The following POLDIP3 variants were observed in gnomAD, a reference collection of about 807,000 sequenced individuals.
POLDIP3 encodes DNA polymerase delta interacting protein 3.
Under a neutral mutation model 45.1 loss-of-function variants are expected in POLDIP3, and 14 were observed. That is an observed-to-expected ratio of 0.31 (90% CI 0.20 to 0.49). The LOEUF is 0.49. POLDIP3 is among the 20% of genes least tolerant of loss of function. The probability of loss-of-function intolerance (pLI) is 0.99; values close to 1 mark genes in which losing one functional copy is unlikely to be tolerated. For missense variants in POLDIP3, 511 were observed against 538.8 expected (o/e 0.95, Z 0.51); for synonymous variants, 223 against 205.2 (o/e 1.09, Z -0.74).
At position 42,585,651 on chromosome 22, in the gene POLDIP3, A is replaced by T; in HGVS notation, c.*140T>A. ...CAACACAGAAAGGCGGGTCCCATCCAGTGAGGAAGCTCTTTATCCCTGGCA... is the reference window on the plus strand; with the variant it reads ...CAACACAGAAAGGCGGGTCCCATCCTGTGAGGAAGCTCTTTATCCCTGGCA... On this transcript the variant is annotated 3_prime_UTR_variant, in exon 9 of 9. Transcript: ENST00000252115. 1.0e-6 allele frequency: 1 copy of T among 963,122 alleles called. No individual in the cohort carries two copies. Among genetic ancestry groups the T allele is most frequent in the Non-Finnish European group, 1.6e-6 (1 of 633,030 alleles). The allele number at this position is 963,122 out of a possible 1,614,324, so 59.7% of individuals were successfully genotyped here.
intron 1 of POLDIP3, 148 bp downstream of exon 1, chr22:42,614,651 A>T: frequency 1.2e-6 from 1 of 839,670 alleles, no homozygotes; most frequent in East Asian, 3.3e-5. Context: ...CACGGCGGGG[A>T]CGGCGGCAGC....
chr22:42,599,571 T>C, intron 4 of POLDIP3, 127 bp downstream of exon 4: 1 of 731,904 alleles, frequency 1.4e-6, no homozygotes, highest in East Asian at 2.8e-5. Flanking sequence ...GCCATTGCAC[T>C]CCAGCAGCCT....
intron 6 of POLDIP3, among the ~76,000 whole-genome samples, chr22:42,594,262 T>TA (rs1452863889): frequency 6.6e-6 from 1 of 151,062 alleles, no homozygotes; most frequent in Non-Finnish European, 1.5e-5. Flanking sequence ...ACTCCATCTT[T>TA]AAAAAAAACA....
intron 5 of POLDIP3, 30 bp downstream of exon 5, chr22:42,596,156 C>G (rs775422947): frequency 6.2e-7 from 1 of 1,610,470 alleles, no homozygotes; most frequent in Admixed American, 1.7e-5. Flanking sequence ...CTCCTGACCC[C>G]AACTGCTGCA....
Position 42,601,533 on chromosome 22 carries a change from C to T in POLDIP3, c.537+437G>A, listed in dbSNP as rs111678332. ...ATCCCAGCACTTTGGGAGGCTGAGG[C>T]GGGGGGATCACAAGGTCAAGAAATT... is the stretch of plus-strand genomic sequence containing the variant. On this transcript the variant is annotated intron_variant, in intron 3 of 8. Transcript: ENST00000252115. Among the ~76,000 whole-genome samples the T allele has an allele frequency of 9.2e-3, 1,392 of 152,104 alleles. 10 individuals are homozygous for T. The highest frequency in any genetic ancestry group is 0.015 in the Non-Finnish European group (1,030 of 68,002).
At chr22:42,604,821 G>A (rs948722883) in intron 1 of POLDIP3, among the ~76,000 whole-genome samples, 14 of 152,194 alleles carry the variant, frequency 9.2e-5, no homozygotes, top group African/African-American at 3.4e-4. Flanking sequence ...CGGTAATACA[G>A]ACTGAACATC....
At chr22:42,609,030 G>A (rs544474963) in intron 1 of POLDIP3, among the ~76,000 whole-genome samples, 8 of 152,252 alleles carry the variant, frequency 5.3e-5, no homozygotes, top group South Asian at 2.1e-4. Context: ...ATTAGTCATC[G>A]GAAATTTTTC....
chr22:42,600,807 TA>T (rs1291220704), intron 3 of POLDIP3, among the ~76,000 whole-genome samples: 3 of 151,758 alleles, frequency 2.0e-5, no homozygotes, highest in Non-Finnish European at 4.4e-5. Flanking sequence ...CCGTCTCTAC[TA>T]AAAATACAAA....
At chr22:42,595,099 A>G (rs886695798) in intron 6 of POLDIP3, among the ~76,000 whole-genome samples, 1 of 152,218 alleles carries the variant, frequency 6.6e-6, no homozygotes, top group African/African-American at 2.4e-5. Context: ...GCCACCCCAC[A>G]GTTCACTGTG....
chr22:42,584,838 A>T lies in POLDIP3; in HGVS notation c.*953T>A, dbSNP rs1925192012. On this transcript the variant is annotated 3_prime_UTR_variant, in exon 9 of 9. Coordinates refer to ENST00000252115, the MANE Select transcript of POLDIP3 (RefSeq NM_032311.5). The stretch of plus-strand genomic sequence containing the variant: ...CATCCCTGACCACTGTCCTGTAGAC[A>T]ACTGAGGCCAGAAATGGAGAGCCAG... The T allele has an allele frequency of 6.6e-6, 3 of 454,544 alleles. No individual in the cohort carries two copies. Among genetic ancestry groups the T allele is most frequent in the Non-Finnish European group, 8.8e-6 (2 of 226,220 alleles). 28.2% of individuals were successfully genotyped at this position (454,544 alleles called of 1,614,324 possible). A position where few individuals can be genotyped will look rare whatever the true frequency, so the allele number is the denominator to read the frequency against.
chr22:42,583,867 A>G lies in POLDIP3; in HGVS notation c.*1924T>C, dbSNP rs1925122161. The G allele has an allele frequency of 6.6e-6, 1 of 152,566 alleles. No individual in the cohort carries two copies. The highest frequency in any genetic ancestry group is 1.5e-5 in the Non-Finnish European group (1 of 68,122). 9.5% of individuals were successfully genotyped at this position (152,566 alleles called of 1,614,324 possible). On this transcript the variant is annotated 3_prime_UTR_variant, in exon 9 of 9. Coordinates refer to ENST00000252115, the MANE Select transcript of POLDIP3 (RefSeq NM_032311.5). ...GTGGAGGAGGACACAGGACTAGCCC[A>G]CCACCTTCTCCTCCCGGTCTCCCAA... is the stretch of plus-strand genomic sequence containing the variant.
At chr22:42,606,241 G>A (rs1926718908) in intron 1 of POLDIP3, among the ~76,000 whole-genome samples, 1 of 151,432 alleles carries the variant, frequency 6.6e-6, no homozygotes, top group Non-Finnish European at 1.5e-5. Flanking sequence ...AAGAAACAAG[G>A]CTGGGCACAG....
chr22:42,598,666 G>A lies in POLDIP3; in HGVS notation c.633+1032C>T, dbSNP rs149211910. Among the ~76,000 whole-genome samples the A allele has an allele frequency of 2.9e-3, 436 of 152,300 alleles. 2 individuals carry two copies. Among genetic ancestry groups the A allele is most frequent in the African/African-American group, 9.6e-3 (401 of 41,568 alleles). Reference sequence around the variant, plus strand: ...CCCAAAGTGTTGAGATTACAGGCGTGAGCCACCGCACCTGGCCCATATTTC... The same window carrying A: ...CCCAAAGTGTTGAGATTACAGGCGTAAGCCACCGCACCTGGCCCATATTTC... On this transcript the variant is annotated intron_variant, in intron 4 of 8. Coordinates refer to ENST00000252115, the MANE Select transcript of POLDIP3 (RefSeq NM_032311.5).
chr22:42,592,599 C>T (rs921213742), intron 6 of POLDIP3, among the ~76,000 whole-genome samples: 3 of 152,196 alleles, frequency 2.0e-5, no homozygotes, highest in Non-Finnish European at 4.4e-5. Flanking sequence ...CACTCTAAGT[C>T]AGACCTGAGT....
chr22:42,597,186 A>C (rs928543092), intron 4 of POLDIP3, among the ~76,000 whole-genome samples: 1 of 152,212 alleles, frequency 6.6e-6, no homozygotes, highest in African/African-American at 2.4e-5. Context: ...CTTGGAAACA[A>C]AACTCCCCTG....
chr22:42,592,144 C>T, intron 6 of POLDIP3, 60 bp from the exon 7 acceptor site: 1 of 1,607,846 alleles, frequency 6.2e-7, no homozygotes, highest in South Asian at 1.1e-5. Context: ...GCCGCTCACA[C>T]ACTCTGAAGG....
chr22:42,608,234 G>A (rs1020632574), intron 1 of POLDIP3, among the ~76,000 whole-genome samples: 9 of 150,566 alleles, frequency 6.0e-5, no homozygotes, highest in Admixed American at 1.3e-4. Context: ...GCCTTGGGAT[G>A]CTGTTAATCT....
At chr22:42,612,670 A>G (rs534710231) in intron 1 of POLDIP3, among the ~76,000 whole-genome samples, 1 of 152,266 alleles carries the variant, frequency 6.6e-6, no homozygotes, top group South Asian at 2.1e-4. Flanking sequence ...TACTAAAAAT[A>G]CAAAAATTAG....
rs759796866 is a variant in POLDIP3 at position 42,598,407 on chromosome 22, C to A, written c.633+1291G>T. The stretch of plus-strand genomic sequence containing the variant: ...CTGGGACTACAGGCGCACACCACCA[C>A]GCCTGGCTAATTTTTTGGTATTTTT... On this transcript the variant is annotated intron_variant, in intron 4 of 8. Transcript: ENST00000252115. Among the ~76,000 whole-genome samples, 176 of 149,620 alleles carry A rather than the reference C, an allele frequency of 1.2e-3. 2 individuals carry two copies. Among genetic ancestry groups the A allele is most frequent in the Non-Finnish European group, 7.5e-4 (51 of 67,858 alleles).
Sources: allele counts gnomAD v4.1 joint callset (sites outside exome capture counted in the v4.1 genomes callset), GRCh38; gene constraint gnomAD v4.1.1; transcripts MANE v1.5; gene names NCBI Gene and HGNC (gene_info 2026-07-23, HGNC 2026-07-21).